KDM7A: variants seen among roughly 807,000 people sequenced by gnomAD.
KDM7A encodes lysine-specific demethylase 7A.
Under a neutral mutation model 114.8 loss-of-function variants are expected in KDM7A, and 28 were observed. That is an observed-to-expected ratio of 0.24 (90% CI 0.18 to 0.33). The LOEUF (loss-of-function observed/expected upper bound fraction) is 0.33. Ranked by LOEUF, KDM7A falls within the 10% of genes least tolerant of loss-of-function variation. The probability of loss-of-function intolerance (pLI) is 1.00; values close to 1 mark genes in which losing one functional copy is unlikely to be tolerated. For missense variants in KDM7A, 942 were observed against 1,142.5 expected (o/e 0.82, Z 2.53); for synonymous variants, 423 against 397.8 (o/e 1.06, Z -0.75).
chr7:140,093,467 G>A (rs1302875137), intron 18 of KDM7A, among the ~76,000 whole-genome samples: 1 of 152,076 alleles, frequency 6.6e-6, no homozygotes, highest in Non-Finnish European at 1.5e-5. Flanking sequence ...GAGAGGTTTG[G>A]GGCCCCACAG....
At chr7:140,162,996 C>CTTT (rs531552532) in intron 1 of KDM7A, among the ~76,000 whole-genome samples, 3 of 137,642 alleles carry the variant, frequency 2.2e-5, no homozygotes, top group Admixed American at 7.3e-5. Flanking sequence ...CTTTTCTTTC[C>CTTT]TTTTTTTTTT....
At chr7:140,170,420 G>A (rs926895201) in intron 1 of KDM7A, among the ~76,000 whole-genome samples, 1 of 152,162 alleles carries the variant, frequency 6.6e-6, no homozygotes, top group Non-Finnish European at 1.5e-5. Context: ...TCCTCCTCCT[G>A]AAGCTGGCTG....
chr7:140,103,367 G>C (rs1453012624), intron 11 of KDM7A, among the ~76,000 whole-genome samples: 2 of 151,698 alleles, frequency 1.3e-5, no homozygotes, highest in African/African-American at 4.9e-5. Flanking sequence ...ACAACGTGCA[G>C]ATTTGTTACA....
intron 11 of KDM7A, among the ~76,000 whole-genome samples, chr7:140,108,087 G>A (rs554231402): frequency 5.9e-5 from 9 of 152,086 alleles, no homozygotes; most frequent in South Asian, 4.2e-4. Flanking sequence ...TTGTGCATGC[G>A]TCACATAGTT....
Position 140,124,795 on chromosome 7 carries a change from TATC to T in KDM7A, c.889-15_889-13del, listed in dbSNP as rs1818672593. On this transcript the variant is annotated splice_polypyrimidine_tract_variant and intron_variant, in intron 6 of 19. Transcript: ENST00000397560. Reference sequence around the variant, plus strand: ...AAAATCTTCTCACCCTAAAAGGAAGTATCATACTATTTTTGAAAAAGCAAAAGC... The same window carrying T: ...AAAATCTTCTCACCCTAAAAGGAAGTATACTATTTTTGAAAAAGCAAAAGC... 1.3e-6 allele frequency: 2 copies of T among 1,568,534 alleles called. No individual in the cohort carries two copies. Among genetic ancestry groups the T allele is most frequent in the South Asian group, 1.2e-5 (1 of 86,538 alleles).
At chr7:140,125,314 T>C (rs1231976567) in intron 6 of KDM7A, among the ~76,000 whole-genome samples, 2 of 152,202 alleles carry the variant, frequency 1.3e-5, no homozygotes, top group African/African-American at 4.8e-5. Context: ...AGACTGACTT[T>C]CTACATCAGT....
intron 11 of KDM7A, among the ~76,000 whole-genome samples, chr7:140,109,841 C>G (rs1818404141): frequency 6.6e-6 from 1 of 152,158 alleles, no homozygotes; most frequent in African/African-American, 2.4e-5. Context: ...TCATTACATT[C>G]CCTTATTCAA....
chr7:140,110,412 G>A (rs1301970526), intron 11 of KDM7A, among the ~76,000 whole-genome samples: 1 of 151,904 alleles, frequency 6.6e-6, no homozygotes, highest in East Asian at 1.9e-4. Context: ...TGATATTAAA[G>A]CAAGCATTTT....
intron 4 of KDM7A, among the ~76,000 whole-genome samples, chr7:140,128,575 G>A (rs1818742050): frequency 6.6e-6 from 1 of 152,162 alleles, no homozygotes; most frequent in African/African-American, 2.4e-5. Flanking sequence ...ATAGGTTCAG[G>A]TTAATCCTTA....
At chr7:140,168,972 T>C (rs962121131) in intron 1 of KDM7A, among the ~76,000 whole-genome samples, 6 of 152,174 alleles carry the variant, frequency 3.9e-5, no homozygotes, top group African/African-American at 9.7e-5. Flanking sequence ...CAGTTCGTAA[T>C]ATATACAGAC....
At position 140,176,536 on chromosome 7, in the gene KDM7A, G is replaced by A. The variant is rs1293817069; in HGVS notation, c.194+208C>T. Among the ~76,000 whole-genome samples, 1 of 146,778 alleles carries A rather than the reference G, an allele frequency of 6.8e-6. No homozygotes were observed. Among genetic ancestry groups the A allele is most frequent in the African/African-American group, 2.4e-5 (1 of 40,900 alleles). ...TGGCGACTCTTCGCCCGGGCCAGGC[G>A]AGCCCACCGGCTCCCCTCTGGAGCC... is the stretch of plus-strand genomic sequence containing the variant. On this transcript the variant is annotated intron_variant, in intron 1 of 19. Coordinates refer to ENST00000397560, the MANE Select transcript of KDM7A (RefSeq NM_030647.2). The surrounding 1 kb of genome is among the most constrained non-coding windows in gnomAD (Gnocchi z 4.4).
chr7:140,134,594 C>T (rs1050909573), intron 2 of KDM7A, among the ~76,000 whole-genome samples: 3 of 151,568 alleles, frequency 2.0e-5, no homozygotes, highest in African/African-American at 7.3e-5. Flanking sequence ...TACTCTTAAG[C>T]CTAAAACCTC....
At chr7:140,122,137 GTGCTAC>G (rs1197151459) in intron 7 of KDM7A, among the ~76,000 whole-genome samples, 2 of 152,186 alleles carry the variant, frequency 1.3e-5, no homozygotes, top group Non-Finnish European at 2.9e-5. Flanking sequence ...ACCTACACCA[GTGCTAC>G]TGATAGAATT....
chr7:140,112,381 G>C (rs1018569165), intron 10 of KDM7A, among the ~76,000 whole-genome samples: 3 of 152,102 alleles, frequency 2.0e-5, no homozygotes, highest in Non-Finnish European at 2.9e-5. Flanking sequence ...AGGCCAAGAC[G>C]GGTGGATCAC....
At chr7:140,153,313 C>A (rs1041724460) in intron 1 of KDM7A, among the ~76,000 whole-genome samples, 1 of 151,460 alleles carries the variant, frequency 6.6e-6, no homozygotes, top group South Asian at 2.1e-4. Context: ...CAGTGAAACC[C>A]GTCTCTACTG....
intron 6 of KDM7A, among the ~76,000 whole-genome samples, chr7:140,126,322 T>C (rs1041518665): frequency 3.3e-5 from 5 of 151,882 alleles, no homozygotes; most frequent in Non-Finnish European, 5.9e-5. Context: ...AGATATTTAA[T>C]TCAGGGATTA....
chr7:140,092,235 G>A, intron 18 of KDM7A, 158 bp from the exon 19 acceptor site: 1 of 656,294 alleles, frequency 1.5e-6, no homozygotes, highest in Non-Finnish European at 2.6e-6. Flanking sequence ...CCTGCATGAT[G>A]TCGTCTCAGT....
At chr7:140,135,716 T>C (rs1314761305) in intron 2 of KDM7A, among the ~76,000 whole-genome samples, 5 of 152,178 alleles carry the variant, frequency 3.3e-5, no homozygotes, top group African/African-American at 1.2e-4. Flanking sequence ...ATATTAATGT[T>C]TCCCTGATTA....
chr7:140,096,611 T>C lies in KDM7A; in HGVS notation c.2318A>G (p.His773Arg), dbSNP rs1818114403. The change falls in exon 17 of 20, where the codon CAT becomes CGT. Residue 773 changes from histidine to arginine, a missense_variant. Coordinates refer to ENST00000397560, the MANE Select transcript of KDM7A (RefSeq NM_030647.2). ...CTGCCTAACCTCATGGTTACTGCCA[T>C]GGCAGCTGCTGGGATCCTGGAGAGA... Reference protein sequence around the residue: ...RNSLQDPSSCHGSNHEVRQLY... With the variant: ...RNSLQDPSSCRGSNHEVRQLY... 6 of 1,614,106 alleles carry C rather than the reference T, an allele frequency of 3.7e-6. No homozygotes were observed. Among genetic ancestry groups the C allele is most frequent in the African/African-American group, 2.7e-5 (2 of 74,950 alleles).
Sources: gnomAD v4.1 joint callset for allele counts (sites outside exome capture counted in the v4.1 genomes callset) on GRCh38, gnomAD v4.1.1 for gene constraint, Gnocchi (gnomAD v3.1) non-coding constraint, MANE v1.5 for transcripts, NCBI Gene and HGNC (gene_info 2026-07-23, HGNC 2026-07-21) for gene names.